The following C11orf58 variants were observed in gnomAD, a reference collection of about 807,000 sequenced individuals.
C11orf58 encodes the protein chromosome 11 open reading frame 58, also known as small acidic protein.
C11orf58 carries 5 observed loss-of-function variants against 22.7 expected under a neutral mutation model. That is an observed-to-expected ratio of 0.22 (90% CI 0.12 to 0.46). The LOEUF (loss-of-function observed/expected upper bound fraction) is 0.46, where lower values mean the gene tolerates loss of function less well. Ranked by LOEUF, C11orf58 falls within the 20% of genes least tolerant of loss-of-function variation. The pLI is 0.99. For synonymous variants in C11orf58, 71 were observed against 70.7 expected, an observed-to-expected ratio of 1.00 and a Z score of -0.02; for missense variants, 151 against 223.3, an observed-to-expected ratio of 0.68 and a Z score of 2.06.
chr11:16,741,858 A>G (rs952387738), intron 1 of C11orf58, among the ~76,000 whole-genome samples: 1 of 152,232 alleles, frequency 6.6e-6, no homozygotes, highest in Non-Finnish European at 1.5e-5. Context: ...CAAAGCTTCC[A>G]TTGAGTCTAC....
rs1367500833 is a variant in C11orf58 at position 16,752,889 on chromosome 11, A to G, written c.313A>G (p.Ser105Gly). ...RYRRHCGLGF[S>G]EVEDHDGEGD... ...TCGGCGACATTGTGGACTTGGCTTC[A>G]GTGAGGTAGTAATTAACTTATTTTC... The change falls in exon 4 of 5, where the codon AGT becomes GGT. Residue 105 changes from serine to glycine, a missense_variant. Transcript: ENST00000228136. 1 of 1,604,818 alleles carries G rather than the reference A, an allele frequency of 6.2e-7. No individual in the cohort carries two copies. Among genetic ancestry groups the G allele is most frequent in the Non-Finnish European group, 8.5e-7 (1 of 1,174,136 alleles).
At chr11:16,752,962 GAT>G in intron 4 of C11orf58, 68 bp downstream of exon 4, 1 of 1,209,396 alleles carries the variant, frequency 8.3e-7, no homozygotes, top group Non-Finnish European at 1.2e-6. Context: ...ATTGCTGTTA[GAT>G]TACCCTAGCA....
Position 16,758,070 on chromosome 11 carries a change from C to A in C11orf58, c.*2966C>A, listed in dbSNP as rs1848595694. 1.3e-5 allele frequency among the ~76,000 whole-genome samples: 2 copies of A among 152,206 alleles called. No homozygotes were observed. Among genetic ancestry groups the A allele is most frequent in the Non-Finnish European group, 2.9e-5 (2 of 68,022 alleles). ...AAATACTTGGAATATCCGAAAACAACTTCTAAAATCACTCAATAAAAGTAT... is the reference window on the plus strand; with the variant it reads ...AAATACTTGGAATATCCGAAAACAAATTCTAAAATCACTCAATAAAAGTAT... On this transcript the variant is annotated 3_prime_UTR_variant, in exon 5 of 5. Transcript: ENST00000228136.
At chr11:16,742,877 C>T (rs1163390170) in intron 1 of C11orf58, among the ~76,000 whole-genome samples, 1 of 152,098 alleles carries the variant, frequency 6.6e-6, no homozygotes, top group Non-Finnish European at 1.5e-5. Context: ...GACCCACCCA[C>T]CTCTTTGGCA....
chr11:16,738,658 G>C lies in C11orf58; in HGVS notation c.-121G>C. 8.8e-7 allele frequency: 1 copy of C among 1,137,476 alleles called. No individual in the cohort carries two copies. The highest frequency in any genetic ancestry group is 1.3e-6 in the Non-Finnish European group (1 of 756,684). The allele number at this position is 1,137,476 out of a possible 1,614,324, so 70.5% of individuals were successfully genotyped here. On this transcript the variant is annotated 5_prime_UTR_variant, in exon 1 of 5. Coordinates refer to ENST00000228136, the MANE Select transcript of C11orf58 (RefSeq NM_014267.6). Reference sequence around the variant, plus strand: ...GTGACGACTGTGGCAGAGAAGGCCCGGAGGGGCTCTGCGTTCTGTAGTGGC... The same window carrying C: ...GTGACGACTGTGGCAGAGAAGGCCCCGAGGGGCTCTGCGTTCTGTAGTGGC...
At chr11:16,749,334 T>C (rs1039923556) in intron 3 of C11orf58, 1 of 152,234 alleles carries the variant, frequency 6.6e-6, no homozygotes, top group African/African-American at 2.4e-5. Flanking sequence ...GATCTTTTAT[T>C]TTTCTAGTGT....
intron 3 of C11orf58, chr11:16,748,621 TG>T: frequency 6.7e-6 from 1 of 149,536 alleles, no homozygotes; most frequent in Non-Finnish European, 1.5e-5. Flanking sequence ...GGCTCACACC[TG>T]TAATCCCAGC....
intron 4 of C11orf58, among the ~76,000 whole-genome samples, chr11:16,753,372 T>C (rs1265442354): frequency 6.6e-6 from 1 of 151,532 alleles, no homozygotes; most frequent in East Asian, 1.9e-4. Flanking sequence ...CCCGGCCTTT[T>C]ATTTTTCTTT....
At position 16,757,040 on chromosome 11, in the gene C11orf58, TA is replaced by T. The variant is rs1292556688; in HGVS notation, c.*1937del. The stretch of plus-strand genomic sequence containing the variant: ...TCAGACCCCAAAGTTGTTGCCTTGT[TA>T]TTTTTTTAATTTCTCACATTTTTGA... On this transcript the variant is annotated 3_prime_UTR_variant, in exon 5 of 5. Transcript: ENST00000228136. 1.3e-5 allele frequency among the ~76,000 whole-genome samples: 2 copies of T among 152,208 alleles called. No individual in the cohort carries two copies. The highest frequency in any genetic ancestry group is 4.8e-5 in the African/African-American group (2 of 41,448).
At chr11:16,753,875 T>C in intron 4 of C11orf58, 1 of 506,626 alleles carries the variant, frequency 2.0e-6, no homozygotes. Context: ...ATTTTTGTAT[T>C]TTTTGTAGAG....
intron 1 of C11orf58, chr11:16,744,286 A>G (rs185025569): frequency 4.5e-4 from 112 of 249,240 alleles, no homozygotes; most frequent in African/African-American, 2.4e-3. Flanking sequence ...CTAGAGCTCC[A>G]CCCCAGACCC....
At chr11:16,742,776 T>C (rs935903861) in intron 1 of C11orf58, among the ~76,000 whole-genome samples, 1 of 152,196 alleles carries the variant, frequency 6.6e-6, no homozygotes, top group Admixed American at 6.5e-5. Flanking sequence ...AATTTAACAA[T>C]AGCAAACCGA....
Position 16,754,953 on chromosome 11 carries a change from A to G in C11orf58, c.401A>G (p.Asp134Gly), listed in dbSNP as rs1163788100. Residue 134 changes from aspartate to glycine, a missense_variant, in exon 5 of 5, where the codon GAT (aspartate) becomes GGT (glycine). Asp to Gly is a moderately conservative substitution (Grantham distance 94). Around this residue, in one of 3 missense-constraint regions of C11orf58, gnomAD observed 112 missense variants for 162.6 expected, o/e 0.69. Coordinates refer to ENST00000228136, the MANE Select transcript of C11orf58 (RefSeq NM_014267.6). Reference sequence around the variant, plus strand: ...GATTCACCTGATCCTGAAAGTCCAGATGATTCTGAAAGCGATTCAGAGTCA... The same window carrying G: ...GATTCACCTGATCCTGAAAGTCCAGGTGATTCTGAAAGCGATTCAGAGTCA... ...DDDSPDPESP[D>G]DSESDSESEK... is the part of the protein sequence containing the mutation. 2 of 1,614,042 alleles carry G rather than the reference A, an allele frequency of 1.2e-6. No individual in the cohort carries two copies. Among genetic ancestry groups the G allele is most frequent in the Non-Finnish European group, 1.7e-6 (2 of 1,180,026 alleles).
rs544105893 is a variant in C11orf58, at chr11:16,756,567, C to T, written c.*1463C>T. Among the ~76,000 whole-genome samples, 1 of 151,308 alleles carries T rather than the reference C, an allele frequency of 6.6e-6. No homozygotes were observed. Among genetic ancestry groups the T allele is most frequent in the South Asian group, 2.1e-4 (1 of 4,770 alleles). ...TACAGGCGTGAGCCACCACGCCCAG[C>T]CTTGGAGTGTTGGAATTTTTAAAAA... On this transcript the variant is annotated 3_prime_UTR_variant, in exon 5 of 5. Coordinates refer to ENST00000228136, the MANE Select transcript of C11orf58 (RefSeq NM_014267.6).
chr11:16,742,668 A>G (rs1848457101), intron 1 of C11orf58, among the ~76,000 whole-genome samples: 1 of 152,188 alleles, frequency 6.6e-6, no homozygotes. Context: ...CAGGGGAAAT[A>G]GTGGTTTTTT....
chr11:16,740,859 C>A (rs910607464), intron 1 of C11orf58, among the ~76,000 whole-genome samples: 1 of 150,516 alleles, frequency 6.6e-6, no homozygotes, highest in African/African-American at 2.4e-5. Flanking sequence ...TTTGGGAGGC[C>A]AAGGCAGGCG....
Position 16,746,020 on chromosome 11 carries a change from A to G in C11orf58, c.147+1336A>G, listed in dbSNP as rs1419088511. Among the ~76,000 whole-genome samples, 3 of 152,242 alleles carry G rather than the reference A, an allele frequency of 2.0e-5. 1 individual carries two copies. Among genetic ancestry groups the G allele is most frequent in the Admixed American group, 1.3e-4 (2 of 15,284 alleles). ...AGATCAATAATACATGTTTGAAGCT[A>G]TTATGTAATGGAGGAAACCAGATAA... is the stretch of plus-strand genomic sequence containing the variant. On this transcript the variant is annotated intron_variant, in intron 2 of 4. Coordinates refer to ENST00000228136, the MANE Select transcript of C11orf58 (RefSeq NM_014267.6).
rs547500731 is a variant in C11orf58 at position 16,756,999 on chromosome 11, A to G, written c.*1895A>G. The G allele has an allele frequency of 1.3e-5, 2 of 151,796 alleles. No homozygotes were observed. Among genetic ancestry groups the G allele is most frequent in the African/African-American group, 2.4e-5 (1 of 41,376 alleles). 9.4% of individuals were successfully genotyped at this position (151,796 alleles called of 1,614,324 possible). A position where few individuals can be genotyped will look rare whatever the true frequency, so the allele number is the denominator to read the frequency against. ...TGGTTGATAGACTCTATCTTGCAGT[A>G]TATTTATTTCATGTATCAGACCCCA... On this transcript the variant is annotated 3_prime_UTR_variant, in exon 5 of 5. Transcript: ENST00000228136.
At chr11:16,748,274 A>C (rs757973810) in intron 3 of C11orf58, 117 bp downstream of exon 3, 1 of 867,864 alleles carries the variant, frequency 1.2e-6, no homozygotes, top group African/African-American at 1.7e-5. Flanking sequence ...AAAATATTAT[A>C]ATTAGAGCTG....
Sources: allele counts gnomAD v4.1 joint callset (sites outside exome capture counted in the v4.1 genomes callset), GRCh38; gene constraint gnomAD v4.1.1; regional missense constraint gnomAD v4.1.1; transcripts MANE v1.5; gene names NCBI Gene and HGNC (gene_info 2026-07-23, HGNC 2026-07-21).